ERCC5: variants seen among roughly 807,000 people sequenced by gnomAD.
The protein encoded by ERCC5 is ERCC excision repair 5, endonuclease.
Under a neutral mutation model 105.6 loss-of-function variants are expected in ERCC5, and 68 were observed. That is an observed-to-expected ratio of 0.64 (90% confidence interval 0.53 to 0.79). The LOEUF (loss-of-function observed/expected upper bound fraction) is 0.79. ERCC5 is among the 30% of genes least tolerant of loss of function. ERCC5 has a pLI of 0.00. For missense variants in ERCC5, 1,373 were observed against 1,426.7 expected (o/e 0.96, Z 0.61); for synonymous variants, 546 against 526.2 (o/e 1.04, Z -0.51).
At position 102,872,228 on chromosome 13, in the gene ERCC5, A is replaced by G. The variant is rs928419585; in HGVS notation, c.2709A>G (p.Pro903=). The G allele has an allele frequency of 1.2e-6, 2 of 1,614,072 alleles. No homozygotes were observed. The highest frequency in any genetic ancestry group is 1.3e-5 in the African/African-American group (1 of 74,918). ...GGTGGCATGAAGCTCAAAAAAATCC[A>G]AAGATAAGACCTAATCCTCATGACA... ...SEWWHEAQKN[P]KIRPNPHDTK... Residue 903 remains proline (P), a synonymous_variant, in exon 13 of 15, where the codon CCA becomes CCG. Coordinates refer to ENST00000652225, the MANE Select transcript of ERCC5 (RefSeq NM_000123.4).
chr13:102,861,083 G>A (rs766376416), intron 6 of ERCC5, among the ~76,000 whole-genome samples: 3 of 150,894 alleles, frequency 2.0e-5, no homozygotes, highest in African/African-American at 2.4e-5. Context: ...CTGCCTCCCC[G>A]GTTCAAGTGA....
chr13:102,851,355 C>T (rs1042510385), intron 1 of ERCC5, among the ~76,000 whole-genome samples: 2 of 152,086 alleles, frequency 1.3e-5, no homozygotes, highest in African/African-American at 2.4e-5. Context: ...AGTGCAGTGG[C>T]GCGATCTCGG....
chr13:102,874,168 A>G (rs1883120183), intron 14 of ERCC5, among the ~76,000 whole-genome samples: 1 of 152,192 alleles, frequency 6.6e-6, no homozygotes, highest in Non-Finnish European at 1.5e-5. Flanking sequence ...TGTAATATTT[A>G]TCTCCTTTTT....
chr13:102,866,450 GGGGGTATGCACTGTGCCCCCTGGTGCTCA>G, intron 10 of ERCC5, 69 bp downstream of exon 10: 1 of 1,613,176 alleles, frequency 6.2e-7, no homozygotes. Context: ...ACTGCATGAA[GGGGGTATGCACTGTGCCCCCTGGTGCTCA>G]GGGCCTGGTG....
At chr13:102,850,074 C>T (rs763250287) in intron 1 of ERCC5, among the ~76,000 whole-genome samples, 4 of 151,916 alleles carry the variant, frequency 2.6e-5, no homozygotes, top group Admixed American at 1.3e-4. Flanking sequence ...TATAGGCACA[C>T]GCCACCATGC....
rs2140528304 is a variant in ERCC5, at chr13:102,862,778, T to A, written c.1629T>A (p.Leu543=). The change falls in exon 8 of 15, where the codon CTT becomes CTA. Residue 543 remains leucine (L), a synonymous_variant. Transcript: ENST00000652225. ...AGAATGAAACACATGCTGAAGTGCT[T>A]GAGCAGCAGAACGAACTTTGCCCAT... is the stretch of plus-strand genomic sequence containing the variant. The part of the protein sequence containing the change: ...VSKNETHAEV[L]EQQNELCPYE... The A allele has an allele frequency of 6.2e-7, 1 of 1,614,204 alleles. No homozygotes were observed. Among genetic ancestry groups the A allele is most frequent in the East Asian group, 2.2e-5 (1 of 44,888 alleles).
intron 14 of ERCC5, among the ~76,000 whole-genome samples, chr13:102,874,392 T>C (rs1163109963): frequency 6.6e-6 from 1 of 152,240 alleles, no homozygotes; most frequent in African/African-American, 2.4e-5. Flanking sequence ...TGTGTGGTTT[T>C]CTTAATTCCA....
chr13:102,855,167 T>C (rs1882363552), intron 4 of ERCC5, among the ~76,000 whole-genome samples: 1 of 152,250 alleles, frequency 6.6e-6, no homozygotes, highest in African/African-American at 2.4e-5. Flanking sequence ...GCCCAATCTC[T>C]GTTTTGTGTT....
chr13:102,854,151 C>A (rs1882311667), intron 3 of ERCC5, 137 bp from the exon 4 acceptor site: 2 of 930,914 alleles, frequency 2.1e-6, no homozygotes, highest in South Asian at 1.4e-5. Flanking sequence ...AGGTGAGCAG[C>A]CCCGCCAAGG....
chr13:102,847,008 T>C (rs7326922), intron 1 of ERCC5, among the ~76,000 whole-genome samples: 152,050 of 152,350 alleles, frequency 1, 75,876 homozygotes, highest in Middle Eastern at 1. Flanking sequence ...AGAAGTTTAG[T>C]GCGATTAATA....
intron 6 of ERCC5, among the ~76,000 whole-genome samples, chr13:102,859,659 G>A (rs1022927034): frequency 3.3e-5 from 5 of 152,232 alleles, no homozygotes; most frequent in African/African-American, 1.2e-4. Context: ...TGAAGTCTCT[G>A]GAAGTGGTGG....
In ERCC5 at chr13:102,846,208, C is replaced by A; in HGVS notation, c.-59C>A. ...CGGGGTCCTAGGCGGCGGTGCAGTC[C>A]GTCGTAGAAGAATTAGAGTAGAAGT... On this transcript the variant is annotated 5_prime_UTR_variant, in exon 1 of 15. Coordinates refer to ENST00000652225, the MANE Select transcript of ERCC5 (RefSeq NM_000123.4). The A allele has an allele frequency of 1.4e-6, 2 of 1,442,810 alleles. No individual in the cohort carries two copies. Among genetic ancestry groups the A allele is most frequent in the Non-Finnish European group, 1.9e-6 (2 of 1,037,458 alleles). The allele number at this position is 1,442,810 out of a possible 1,614,324, so 89.4% of individuals were successfully genotyped here. A position where few individuals can be genotyped will look rare whatever the true frequency, so the allele number is the denominator to read the frequency against.
At chr13:102,873,456 T>A in intron 14 of ERCC5, 113 bp downstream of exon 14, 1 of 1,185,574 alleles carries the variant, frequency 8.4e-7, no homozygotes, top group Non-Finnish European at 1.2e-6. Flanking sequence ...ATTTTGAAAT[T>A]AGGATAATTT....
chr13:102,855,965 G>A (rs559071508), intron 4 of ERCC5, 87 bp from the exon 5 acceptor site: 1,527 of 1,339,910 alleles, frequency 1.1e-3, no homozygotes, highest in Non-Finnish European at 1.4e-3. Flanking sequence ...ACTGTAGCCC[G>A]TATAACGAGC....
chr13:102,857,649 T>C lies in ERCC5; in HGVS notation c.529-626T>C, dbSNP rs576866159. 1.1e-4 allele frequency among the ~76,000 whole-genome samples: 16 copies of C among 152,318 alleles called. No individual in the cohort carries two copies. The East Asian group carries it at 2.9e-3, about 28-fold the overall frequency. ...GAATTTCTTTTAATTTCATTTCTTA[T>C]GTTATAAGCAAAATAAAACTAACTT... On this transcript the variant is annotated intron_variant, in intron 5 of 14. Coordinates refer to ENST00000652225, the MANE Select transcript of ERCC5 (RefSeq NM_000123.4).
chr13:102,848,590 A>AT (rs1330467737), intron 1 of ERCC5, among the ~76,000 whole-genome samples: 2 of 152,164 alleles, frequency 1.3e-5, no homozygotes, highest in Non-Finnish European at 2.9e-5. Flanking sequence ...AAAGAAACTT[A>AT]TTTTTTGTAT....
chr13:102,871,293 G>A (rs543324222), intron 12 of ERCC5, among the ~76,000 whole-genome samples: 93 of 152,296 alleles, frequency 6.1e-4, no homozygotes, highest in African/African-American at 1.3e-3. Context: ...AGCCATGGCC[G>A]CCCTGCTCAA....
chr13:102,875,220 G>A (rs751262238), intron 14 of ERCC5, 87 bp from the exon 15 acceptor site: 7 of 1,418,366 alleles, frequency 4.9e-6, no homozygotes, highest in African/African-American at 1.4e-5. Flanking sequence ...TCCAATGTGA[G>A]TGATCAAGGT....
chr13:102,848,254 A>C (rs964527709), intron 1 of ERCC5, among the ~76,000 whole-genome samples: 3 of 152,166 alleles, frequency 2.0e-5, no homozygotes, highest in Non-Finnish European at 4.4e-5. Flanking sequence ...GCTTTATTTC[A>C]TTTTCACGGG....
Sources: gnomAD v4.1 joint callset for allele counts (sites outside exome capture counted in the v4.1 genomes callset) on GRCh38, gnomAD v4.1.1 for gene constraint, MANE v1.5 for transcripts, NCBI Gene and HGNC (gene_info 2026-07-23, HGNC 2026-07-21) for gene names.